The following LPAR1 variants were observed in gnomAD, a reference collection of about 807,000 sequenced individuals.
LPAR1 encodes the protein LPA receptor 1.
LPAR1 carries 5 observed loss-of-function variants against 23.8 expected under a neutral mutation model. The observed-to-expected ratio is 0.21, with a 90% CI of 0.11 to 0.44. The LOEUF is 0.44. LPAR1 is among the 20% of genes least tolerant of loss of function. The probability of loss-of-function intolerance (pLI) is 0.99; values close to 1 mark genes in which losing one functional copy is unlikely to be tolerated. For missense variants in LPAR1, 311 were observed against 482.8 expected (o/e 0.64, Z 3.33); for synonymous variants, 160 against 164.7 (o/e 0.97, Z 0.22).
intron 4 of LPAR1, among the ~76,000 whole-genome samples, chr9:110,964,543 C>T (rs1301097026): frequency 6.6e-6 from 1 of 152,110 alleles, no homozygotes; most frequent in East Asian, 1.9e-4. Context: ...GCAAGTGAAG[C>T]AACTGTGTCA....
chr9:111,025,508 C>T (rs899094886), intron 2 of LPAR1, among the ~76,000 whole-genome samples: 1 of 152,200 alleles, frequency 6.6e-6, no homozygotes. Flanking sequence ...CCTGTTCACT[C>T]TGATGATAGT....
intron 4 of LPAR1, among the ~76,000 whole-genome samples, chr9:110,970,244 G>C (rs954617952): frequency 1.3e-5 from 2 of 152,148 alleles, no homozygotes; most frequent in African/African-American, 2.4e-5. Context: ...TAGAAAACCC[G>C]CACTAGCCTA....
intron 5 of LPAR1, among the ~76,000 whole-genome samples, chr9:110,903,040 G>A (rs1405209415): frequency 6.6e-6 from 1 of 152,164 alleles, no homozygotes; most frequent in African/African-American, 2.4e-5. Context: ...TAAATGGGAT[G>A]ACTGCCTACT....
At chr9:110,997,009 T>C (rs2097024783) in intron 2 of LPAR1, among the ~76,000 whole-genome samples, 1 of 152,154 alleles carries the variant, frequency 6.6e-6, no homozygotes. Context: ...TGTTTGTACT[T>C]ATTCGTGGTA....
intron 4 of LPAR1, among the ~76,000 whole-genome samples, chr9:110,951,751 A>G (rs532900982): frequency 1.3e-5 from 2 of 152,044 alleles, no homozygotes; most frequent in African/African-American, 4.8e-5. Flanking sequence ...ACTAGATCAA[A>G]AGATTCTAAC....
chr9:110,971,045 G>C (rs1336056513), intron 4 of LPAR1, among the ~76,000 whole-genome samples: 1 of 152,224 alleles, frequency 6.6e-6, no homozygotes, highest in African/African-American at 2.4e-5. Flanking sequence ...TGAGACAGGA[G>C]AATCGCTTGA....
chr9:110,981,071 A>T (rs548144292), intron 2 of LPAR1, among the ~76,000 whole-genome samples: 1 of 152,254 alleles, frequency 6.6e-6, no homozygotes, highest in East Asian at 1.9e-4. Context: ...CTCTTTTATA[A>T]GGAAACTACC....
At chr9:110,984,074 C>A (rs1032402468) in intron 2 of LPAR1, among the ~76,000 whole-genome samples, 2 of 151,854 alleles carry the variant, frequency 1.3e-5, no homozygotes, top group African/African-American at 2.4e-5. Flanking sequence ...TAAATGGGTA[C>A]GCATCACCTC....
At chr9:110,879,137 C>T (rs2079964601) in intron 5 of LPAR1, among the ~76,000 whole-genome samples, 1 of 152,134 alleles carries the variant, frequency 6.6e-6, no homozygotes, top group African/African-American at 2.4e-5. Flanking sequence ...AGAGGAAGGG[C>T]CCGGTGCGGG....
chr9:110,916,610 T>TATA (rs2093130121), intron 5 of LPAR1, among the ~76,000 whole-genome samples: 2 of 151,728 alleles, frequency 1.3e-5, no homozygotes, highest in African/African-American at 4.8e-5. Flanking sequence ...CCATTATTAT[T>TATA]ATGCAGAAAC....
At chr9:110,897,100 T>A (rs2086675763) in intron 5 of LPAR1, among the ~76,000 whole-genome samples, 1 of 152,130 alleles carries the variant, frequency 6.6e-6, no homozygotes, top group South Asian at 2.1e-4. Context: ...AGACAGAGAA[T>A]TTTATTTTCC....
At chr9:111,032,311 G>A (rs2097812658) in intron 2 of LPAR1, among the ~76,000 whole-genome samples, 2 of 152,038 alleles carry the variant, frequency 1.3e-5, no homozygotes, top group African/African-American at 2.4e-5. Context: ...AACCTTCCAG[G>A]AGCATTCCCT....
intron 2 of LPAR1, among the ~76,000 whole-genome samples, chr9:111,005,546 CAAAAAA>C (rs60143050): frequency 4.3e-5 from 3 of 70,344 alleles, no homozygotes; most frequent in Admixed American, 1.8e-4. Context: ...GACCCTGTCT[CAAAAAA>C]AAAAAAAAAA....
chr9:111,025,043 A>G (rs568356430), intron 2 of LPAR1, among the ~76,000 whole-genome samples: 10 of 152,366 alleles, frequency 6.6e-5, no homozygotes, highest in African/African-American at 1.7e-4. Flanking sequence ...AGAATGATTT[A>G]TAATCCTTTG....
intron 2 of LPAR1, among the ~76,000 whole-genome samples, chr9:111,035,382 C>G (rs969977812): frequency 1.1e-4 from 17 of 152,090 alleles, no homozygotes; most frequent in African/African-American, 4.1e-4. Flanking sequence ...CCACCATACC[C>G]AGCTAATGTT....
intron 2 of LPAR1, among the ~76,000 whole-genome samples, chr9:111,032,612 G>A (rs1222345630): frequency 6.6e-6 from 1 of 152,164 alleles, no homozygotes; most frequent in Non-Finnish European, 1.5e-5. Context: ...CCTTCAATTA[G>A]AGCAGAATTT....
At chr9:110,907,809 A>G (rs1264762820) in intron 5 of LPAR1, among the ~76,000 whole-genome samples, 1 of 152,140 alleles carries the variant, frequency 6.6e-6, no homozygotes, top group Non-Finnish European at 1.5e-5. Flanking sequence ...TACAGAGAGC[A>G]TAAGGATGGT....
intron 2 of LPAR1, among the ~76,000 whole-genome samples, chr9:111,034,768 A>G (rs147272856): frequency 6.6e-6 from 1 of 152,226 alleles, no homozygotes; most frequent in Non-Finnish European, 1.5e-5. Flanking sequence ...GAGGTTATGT[A>G]ATACTTCCTC....
At chr9:110,936,208 C>T (rs769443223) in intron 5 of LPAR1, among the ~76,000 whole-genome samples, 1 of 152,180 alleles carries the variant, frequency 6.6e-6, no homozygotes, top group East Asian at 1.9e-4. Context: ...AGAATTTTTT[C>T]TCTTATCCCT....
Sources: gnomAD v4.1 joint callset for allele counts (sites outside exome capture counted in the v4.1 genomes callset) on GRCh38, gnomAD v4.1.1 for gene constraint, MANE v1.5 for transcripts, NCBI Gene and HGNC (gene_info 2026-07-23, HGNC 2026-07-21) for gene names.